The following ANKRD30B variants were observed in gnomAD, a reference collection of about 807,000 sequenced individuals.
The protein encoded by ANKRD30B is ankyrin repeat domain-containing protein 30B.
ANKRD30B carries 144 observed loss-of-function variants against 202.2 expected under a neutral mutation model. The observed-to-expected ratio is 0.71, with a 90% CI of 0.62 to 0.82. The LOEUF (loss-of-function observed/expected upper bound fraction) is 0.82, where lower values mean the gene tolerates loss of function less well. ANKRD30B is among the 40% of genes least tolerant of loss of function. The pLI, the probability that ANKRD30B is intolerant of heterozygous loss-of-function variation, is 0.00. For synonymous variants in ANKRD30B, 508 were observed against 561.3 expected, an observed-to-expected ratio of 0.91 and a Z score of 1.34; for missense variants, 1,487 against 1,669.1, an observed-to-expected ratio of 0.89 and a Z score of 1.90.
At chr18:14,777,233 T>G (rs1283549507) in intron 9 of ANKRD30B, among the ~76,000 whole-genome samples, 21 of 152,174 alleles carry the variant, frequency 1.4e-4, no homozygotes, top group Admixed American at 1.4e-3. Context: ...TCTTGAAATG[T>G]TTTGGTTTTC....
the ANKRD30B span, among the ~76,000 whole-genome samples, chr18:14,865,057 C>T: frequency 6.6e-6 from 1 of 151,694 alleles, no homozygotes; most frequent in Admixed American, 6.6e-5. Flanking sequence ...TTTCCCAGTC[C>T]TCTTTCCCCA....
At chr18:14,791,141 T>C (rs1383027047) in intron 15 of ANKRD30B, among the ~76,000 whole-genome samples, 1 of 152,066 alleles carries the variant, frequency 6.6e-6, no homozygotes, top group Non-Finnish European at 1.5e-5. Flanking sequence ...TGTTGAGGAA[T>C]TTATCCATTT....
At chr18:14,835,116 TATTAAA>T (rs1466431215) in intron 34 of ANKRD30B, among the ~76,000 whole-genome samples, 1 of 151,858 alleles carries the variant, frequency 6.6e-6, no homozygotes, top group East Asian at 1.9e-4. Flanking sequence ...TTAAACTTGT[TATTAAA>T]ATTAAAGTTT....
intron 15 of ANKRD30B, among the ~76,000 whole-genome samples, chr18:14,788,500 C>T (rs941222437): frequency 3.3e-5 from 5 of 152,218 alleles, no homozygotes; most frequent in Admixed American, 6.5e-5. Context: ...CCCATTAACT[C>T]GTCATTTAGC....
chr18:14,815,326 C>T (rs986253133), intron 30 of ANKRD30B, among the ~76,000 whole-genome samples: 15 of 146,208 alleles, frequency 1.0e-4, no homozygotes, highest in African/African-American at 1.8e-4. Flanking sequence ...CCGTATAGAC[C>T]GTAAGTTTTC....
chr18:14,791,094 T>G (rs1968467201), intron 15 of ANKRD30B, among the ~76,000 whole-genome samples: 1 of 152,212 alleles, frequency 6.6e-6, no homozygotes, highest in Admixed American at 6.5e-5. Context: ...ATTCAGAGAT[T>G]CAACTTATTC....
chr18:14,793,003 G>C (rs1485372982), intron 16 of ANKRD30B, among the ~76,000 whole-genome samples: 1 of 151,976 alleles, frequency 6.6e-6, no homozygotes, highest in East Asian at 1.9e-4. Context: ...AATATTTAAT[G>C]TCTGTTGCAA....
rs1971219340 is a variant in ANKRD30B at position 14,837,259 on chromosome 18, A to AT, written c.2898dup (p.Ile967TyrfsTer2). 1 of 1,549,666 alleles carries AT rather than the reference A, an allele frequency of 6.5e-7. No homozygotes were observed. The highest frequency in any genetic ancestry group is 1.4e-5 in the African/African-American group (1 of 73,016). ...TGGACAACAGGAACGTGATATTGGC[A>AT]TTATTGAACGAGCTCCACAAGATCA... On this transcript the variant is annotated frameshift_variant, in exon 35 of 44. Transcript: ENST00000690538. LOFTEE classifies it high-confidence loss of function.
At chr18:14,791,867 A>G (rs1968535087) in intron 16 of ANKRD30B, among the ~76,000 whole-genome samples, 1 of 152,196 alleles carries the variant, frequency 6.6e-6, no homozygotes, top group South Asian at 2.1e-4. Flanking sequence ...TTCTTTAGGA[A>G]AAGATTGGGC....
chr18:14,856,539 A>G (rs1407686750), downstream of ANKRD30B, among the ~76,000 whole-genome samples: 2 of 114,954 alleles, frequency 1.7e-5, no homozygotes, highest in Non-Finnish European at 3.9e-5. Context: ...GATGATGGGC[A>G]GCCAGGCAGA....
At chr18:14,930,076 T>A in the ANKRD30B span, among the ~76,000 whole-genome samples, 1 of 152,142 alleles carries the variant, frequency 6.6e-6, no homozygotes, top group Non-Finnish European at 1.5e-5. Flanking sequence ...ATGTATTGCC[T>A]TAAGAACATC....
chr18:14,834,763 TAA>T (rs1323901777), intron 34 of ANKRD30B, among the ~76,000 whole-genome samples: 1 of 151,980 alleles, frequency 6.6e-6, no homozygotes, highest in Admixed American at 6.6e-5. Context: ...GTGAATGTAT[TAA>T]GTGATAATAT....
chr18:14,903,046 AT>A, the ANKRD30B span, among the ~76,000 whole-genome samples: 41 of 152,262 alleles, frequency 2.7e-4, no homozygotes, highest in African/African-American at 9.9e-4. Context: ...AAATCGAGGT[AT>A]TTTGGGAGAG....
At chr18:14,786,160 T>C (rs1203499470) in intron 14 of ANKRD30B, among the ~76,000 whole-genome samples, 1 of 152,212 alleles carries the variant, frequency 6.6e-6, no homozygotes, top group Non-Finnish European at 1.5e-5. Context: ...GTTTGCTTTT[T>C]TCTTTAACCT....
intron 5 of ANKRD30B, chr18:14,759,344 G>C (rs1914885373): frequency 1.3e-5 from 2 of 152,212 alleles, no homozygotes. Flanking sequence ...GAAATGGTGT[G>C]AGTCAAAGCA....
Position 14,851,932 on chromosome 18 carries a change from T to G in ANKRD30B, c.3988T>G (p.Leu1330Val). ...TTTCCACAGTGCAGGAGATGCTCCT[T>G]TGCAAGGAATAATGAATGTTGATGT... ...LAFHSAGDAP[L>V]QGIMNVDVSN... is the part of the protein sequence containing the mutation. The change falls in exon 42 of 44, where the codon TTG becomes GTG. Residue 1330 changes from leucine to valine, a missense_variant. Coordinates refer to ENST00000690538, the MANE Select transcript of ANKRD30B (RefSeq NM_001367607.2). 6.2e-7 allele frequency: 1 copy of G among 1,604,984 alleles called. No homozygotes were observed. Among genetic ancestry groups the G allele is most frequent in the Non-Finnish European group, 8.5e-7 (1 of 1,174,778 alleles).
chr18:14,782,479 T>A lies in ANKRD30B; in HGVS notation c.1483-48T>A, dbSNP rs568801994. The A allele has an allele frequency of 2.8e-5, 37 of 1,337,706 alleles. No individual in the cohort carries two copies. In the African/African-American group the frequency reaches 4.1e-4, roughly 15 times the overall value. 82.9% of individuals were successfully genotyped at this position (1,337,706 alleles called of 1,614,324 possible). A position where few individuals can be genotyped will look rare whatever the true frequency, so the allele number is the denominator to read the frequency against. ...TATTTTAATTAGGAATTTTGATGCTTCTTATGATTTTAAAATTGAAATTAT... is the reference window on the plus strand; with the variant it reads ...TATTTTAATTAGGAATTTTGATGCTACTTATGATTTTAAAATTGAAATTAT... On this transcript the variant is annotated intron_variant, in intron 11 of 43. Coordinates refer to ENST00000690538, the MANE Select transcript of ANKRD30B (RefSeq NM_001367607.2).
chr18:14,770,323 A>G (rs1966910674), intron 8 of ANKRD30B, among the ~76,000 whole-genome samples: 1 of 152,210 alleles, frequency 6.6e-6, no homozygotes, highest in Admixed American at 6.6e-5. Flanking sequence ...TGTATTTAAT[A>G]TCCTGGAAAA....
intron 34 of ANKRD30B, 171 bp from the exon 35 acceptor site, chr18:14,837,040 T>A (rs1300709514): frequency 2.0e-6 from 1 of 499,794 alleles, no homozygotes; most frequent in Non-Finnish European, 3.6e-6. Context: ...ATCTTCCATG[T>A]ATATTTTCTG....
Sources: allele counts gnomAD v4.1 joint callset (sites outside exome capture counted in the v4.1 genomes callset), GRCh38; gene constraint gnomAD v4.1.1; transcripts MANE v1.5; gene names NCBI Gene and HGNC (gene_info 2026-07-23, HGNC 2026-07-21).